Variants in CREB3L2 observed in about 807,000 individuals in gnomAD.
The protein encoded by CREB3L2 is cyclic AMP-responsive element-binding protein 3-like protein 2.
Under a neutral mutation model 57.2 loss-of-function variants are expected in CREB3L2, and 23 were observed. The ratio of observed to expected loss-of-function variants is 0.40; its 90% confidence interval spans 0.29 to 0.57. The LOEUF (loss-of-function observed/expected upper bound fraction) is 0.57. Ranked by LOEUF, CREB3L2 falls within the 20% of genes least tolerant of loss-of-function variation. The pLI, the probability that CREB3L2 is intolerant of heterozygous loss-of-function variation, is 0.42. For synonymous variants in CREB3L2, 268 were observed against 265.1 expected, an observed-to-expected ratio of 1.01 and a Z score of -0.11; for missense variants, 628 against 634.7, an observed-to-expected ratio of 0.99 and a Z score of 0.11.
At chr7:137,971,729 C>A (rs1279754704) in intron 1 of CREB3L2, among the ~76,000 whole-genome samples, 17 of 150,964 alleles carry the variant, frequency 1.1e-4, no homozygotes, top group South Asian at 4.2e-4. Flanking sequence ...CTTGCTCTTT[C>A]CATTTTTCTA....
At chr7:137,966,714 T>C (rs192993981) in intron 1 of CREB3L2, among the ~76,000 whole-genome samples, 191 of 152,258 alleles carry the variant, frequency 1.3e-3, no homozygotes, top group African/African-American at 4.4e-3. Flanking sequence ...ATATGAGAGT[T>C]CATCAAAGCT....
At chr7:137,920,430 T>C (rs959332767) in intron 2 of CREB3L2, among the ~76,000 whole-genome samples, 2 of 152,144 alleles carry the variant, frequency 1.3e-5, no homozygotes, top group Non-Finnish European at 2.9e-5. Context: ...TAGCTGACCT[T>C]AGAGATGCCA....
At chr7:137,930,285 G>A (rs1800587801) in intron 1 of CREB3L2, among the ~76,000 whole-genome samples, 1 of 152,318 alleles carries the variant, frequency 6.6e-6, no homozygotes, top group Admixed American at 6.5e-5. Context: ...ACCAATGGGT[G>A]TCATCCTTAC....
rs1209843041 is a variant in CREB3L2 at position 137,934,540 on chromosome 7, A to G, written c.103-6174T>C. On this transcript the variant is annotated intron_variant, in intron 1 of 11. Coordinates refer to ENST00000330387, the MANE Select transcript of CREB3L2 (RefSeq NM_194071.4). ...AAAGGTGAAACTGATATTCTAGCCC[A>G]TGTTCAGCCAGTTCCAAATCACAGG... Among the ~76,000 whole-genome samples, 64 of 152,204 alleles carry G rather than the reference A, an allele frequency of 4.2e-4. 2 individuals are homozygous for G. The highest frequency in any genetic ancestry group is 4.2e-3 in the Admixed American group (64 of 15,284).
chr7:137,885,502 C>A lies in CREB3L2; in HGVS notation c.1044G>T (p.Arg348Ser), dbSNP rs750056999. 1.2e-6 allele frequency: 2 copies of A among 1,611,910 alleles called. No individual in the cohort carries two copies. The highest frequency in any genetic ancestry group is 1.1e-5 in the South Asian group (1 of 91,032). ...GCTTCTGGAGTTGCTGAAGGAGAGTCCTGCCAATGATAACAACAGCCGTGA... is the reference window on the plus strand; with the variant it reads ...GCTTCTGGAGTTGCTGAAGGAGAGTACTGCCAATGATAACAACAGCCGTGA... ...KKVEVLENTN[R>S]TLLQQLQKLQ... Residue 348 changes from arginine (R) to serine (S), a missense_variant and splice_region_variant, in exon 9 of 12, where the codon AGG (arginine) becomes AGT (serine). Arg to Ser is a moderately radical substitution (Grantham distance 110, BLOSUM62 -1). This residue lies in a region of CREB3L2 where 272 missense variants were observed against 242.7 expected (regional missense o/e 1.12). Transcript: ENST00000330387.
intron 8 of CREB3L2, among the ~76,000 whole-genome samples, chr7:137,898,293 C>G (rs778846741): frequency 1.3e-5 from 2 of 152,100 alleles, no homozygotes; most frequent in African/African-American, 4.8e-5. Context: ...AAAAGGGAAC[C>G]CTTCCACACT....
chr7:137,938,293 T>A lies in CREB3L2; in HGVS notation c.103-9927A>T, dbSNP rs561529632. 7.6e-4 allele frequency among the ~76,000 whole-genome samples: 116 copies of A among 152,302 alleles called. No individual in the cohort carries two copies. In the Middle Eastern group the frequency reaches 0.01, roughly 13 times the overall value. Reference sequence around the variant, plus strand: ...AGGACATATGGGAAATCTTTCTACCTTCTGTTCGATTTTGCTCTGAACCTC... The same window carrying A: ...AGGACATATGGGAAATCTTTCTACCATCTGTTCGATTTTGCTCTGAACCTC... On this transcript the variant is annotated intron_variant, in intron 1 of 11. Transcript: ENST00000330387.
intron 3 of CREB3L2, among the ~76,000 whole-genome samples, chr7:137,913,380 A>C (rs1383330332): frequency 6.6e-6 from 1 of 151,912 alleles, no homozygotes; most frequent in Non-Finnish European, 1.5e-5. Context: ...GATGGCGTGC[A>C]CCTGCAGTCC....
Position 137,905,809 on chromosome 7 carries a change from C to T in CREB3L2, c.808G>A (p.Glu270Lys), listed in dbSNP as rs1488344505. 1.2e-6 allele frequency: 2 copies of T among 1,614,080 alleles called. No individual in the cohort carries two copies. The highest frequency in any genetic ancestry group is 1.7e-5 in the Admixed American group (1 of 60,012). The change falls in exon 6 of 12, where the codon GAG becomes AAG. Residue 270 changes from glutamate to lysine, a missense_variant. Physicochemically the swap from Glu to Lys is moderately conservative, Grantham distance 56. Coordinates refer to ENST00000330387, the MANE Select transcript of CREB3L2 (RefSeq NM_194071.4). ...CCCTCAGCGATCAGGGTCCTCTTCTCCTCCTCTGTCAGGACCAGAGGGCCT... is the reference window on the plus strand; with the variant it reads ...CCCTCAGCGATCAGGGTCCTCTTCTTCTCCTCTGTCAGGACCAGAGGGCCT... ...GSGPLVLTEE[E>K]KRTLIAEGYP... is the part of the protein sequence containing the mutation.
chr7:137,955,071 T>C (rs1194159792), intron 1 of CREB3L2, among the ~76,000 whole-genome samples: 1 of 152,144 alleles, frequency 6.6e-6, no homozygotes, highest in Non-Finnish European at 1.5e-5. Flanking sequence ...TTAACCTACA[T>C]TTAAAAGTAA....
intron 1 of CREB3L2, among the ~76,000 whole-genome samples, chr7:137,998,600 GC>G (rs767492315): frequency 6.6e-6 from 1 of 152,202 alleles, no homozygotes; most frequent in Admixed American, 6.5e-5. Flanking sequence ...TGGGAACTGA[GC>G]CAAGTGGCTT....
At chr7:137,929,023 G>A (rs909872930) in intron 1 of CREB3L2, among the ~76,000 whole-genome samples, 1 of 152,212 alleles carries the variant, frequency 6.6e-6, no homozygotes, top group Non-Finnish European at 1.5e-5. Context: ...GCACAAAGGT[G>A]CAGTTTACAC....
Position 137,875,842 on chromosome 7 carries a change from T to C in CREB3L2, c.*4634A>G, listed in dbSNP as rs1799137752. 2 of 224,432 alleles carry C rather than the reference T, an allele frequency of 8.9e-6. No homozygotes were observed. Among genetic ancestry groups the C allele is most frequent in the Admixed American group, 1.1e-4 (2 of 17,498 alleles). The allele number at this position is 224,432 out of a possible 1,614,324, so 13.9% of individuals were successfully genotyped here. A position where few individuals can be genotyped will look rare whatever the true frequency, so the allele number is the denominator to read the frequency against. On this transcript the variant is annotated 3_prime_UTR_variant, in exon 12 of 12. Coordinates refer to ENST00000330387, the MANE Select transcript of CREB3L2 (RefSeq NM_194071.4). ...CTAGTAAATGCTCAAGAAATATTAT[T>C]TCCCTTCCTTCTAGAAACCAAGGCT...
At chr7:137,946,786 C>CTATATAGTTA (rs1425687567) in intron 1 of CREB3L2, among the ~76,000 whole-genome samples, 3,929 of 34,168 alleles carry the variant, frequency 0.11, 1,045 homozygotes, top group African/African-American at 0.36. Context: ...ATATAGTTAT[C>CTATATAGTTA]TATATAGTTA....
At chr7:137,887,826 A>G (rs1396941140) in intron 8 of CREB3L2, among the ~76,000 whole-genome samples, 1 of 152,232 alleles carries the variant, frequency 6.6e-6, no homozygotes, top group African/African-American at 2.4e-5. Flanking sequence ...CACTAATTTA[A>G]GTTCTATTTA....
chr7:137,928,069 A>T, intron 2 of CREB3L2, 81 bp downstream of exon 2: 1 of 1,077,630 alleles, frequency 9.3e-7, no homozygotes, highest in Non-Finnish European at 1.4e-6. Context: ...CACCCTCTTT[A>T]ATATAATACA....
intron 2 of CREB3L2, chr7:137,922,846 T>C (rs1172557169): frequency 5.7e-6 from 1 of 175,946 alleles, no homozygotes. Context: ...GTTTGCCCTT[T>C]GAGAATTTTC....
chr7:137,895,921 T>A (rs1799620004), intron 8 of CREB3L2, among the ~76,000 whole-genome samples: 1 of 152,228 alleles, frequency 6.6e-6, no homozygotes, highest in Non-Finnish European at 1.5e-5. Flanking sequence ...TCCATCCAGC[T>A]GCCTCTGAAG....
At position 137,980,187 on chromosome 7, in the gene CREB3L2, C is replaced by G. The variant is rs1801688675; in HGVS notation, c.102+21417G>C. ...ATGCTTTGAGTAGTCATACTCCAAGCCAGTAGTTCTCACCTCGGTTTCACT... is the reference window on the plus strand; with the variant it reads ...ATGCTTTGAGTAGTCATACTCCAAGGCAGTAGTTCTCACCTCGGTTTCACT... On this transcript the variant is annotated intron_variant, in intron 1 of 11. Transcript: ENST00000330387. This position sits in a 1 kb window ranked among gnomAD's most constrained non-coding sequence, Gnocchi z 4.3. 6.6e-6 allele frequency among the ~76,000 whole-genome samples: 1 copy of G among 152,168 alleles called. No homozygotes were observed. Among genetic ancestry groups the G allele is most frequent in the Admixed American group, 6.5e-5 (1 of 15,274 alleles).
Sources: allele counts gnomAD v4.1 joint callset (sites outside exome capture counted in the v4.1 genomes callset), GRCh38; gene constraint gnomAD v4.1.1; regional missense constraint gnomAD v4.1.1; non-coding constraint Gnocchi (gnomAD v3.1); transcripts MANE v1.5; gene names NCBI Gene and HGNC (gene_info 2026-07-23, HGNC 2026-07-21).